Variants in MTMR3 observed in about 807,000 individuals in gnomAD.
MTMR3 encodes myotubularin related protein 3, also known as phosphatidylinositol-3,5-bisphosphate 3-phosphatase MTMR3.
A neutral mutation model predicts 132.4 loss-of-function variants in MTMR3; 32 were observed. That is an observed-to-expected ratio of 0.24 (90% CI 0.18 to 0.32). The LOEUF (loss-of-function observed/expected upper bound fraction) is 0.32. Among genes scored for constraint, MTMR3 ranks in the 10% least tolerant of loss-of-function variants. MTMR3 has a pLI of 1.00. For missense variants in MTMR3, 1,216 were observed against 1,489.6 expected (o/e 0.82, Z 3.02); for synonymous variants, 556 against 550.3 (o/e 1.01, Z -0.14).
intron 1 of MTMR3, among the ~76,000 whole-genome samples, chr22:29,909,749 T>A (rs2065171297): frequency 6.6e-6 from 1 of 152,216 alleles, no homozygotes; most frequent in South Asian, 2.1e-4. Flanking sequence ...TATTAAGGAA[T>A]AATAAATATC....
In MTMR3 at chr22:29,988,644, TA is replaced by T. The variant is rs1176168161; in HGVS notation, c.293+86del. The T allele has an allele frequency of 1.3e-4, 134 of 1,005,846 alleles. 1 individual carries two copies. Among genetic ancestry groups the T allele is most frequent in the Non-Finnish European group, 1.7e-4 (117 of 690,288 alleles). 62.3% of individuals were successfully genotyped at this position (1,005,846 alleles called of 1,614,324 possible). A position where few individuals can be genotyped will look rare whatever the true frequency, so the allele number is the denominator to read the frequency against. ...ATGGGTCCATTATTTGGTAACTTAG[TA>T]AAATACCTTTTGATGATTAGCCTCA... On this transcript the variant is annotated intron_variant, in intron 6 of 19. Transcript: ENST00000401950.
At chr22:30,000,818 G>A (rs144086504) in intron 8 of MTMR3, 1 of 152,320 alleles carries the variant, frequency 6.6e-6, no homozygotes, top group East Asian at 1.9e-4. Context: ...TTTCCTGAGT[G>A]TAACCTATAC....
chr22:29,904,354 C>T (rs2065055515), intron 1 of MTMR3, among the ~76,000 whole-genome samples: 1 of 152,228 alleles, frequency 6.6e-6, no homozygotes, highest in Admixed American at 6.5e-5. Flanking sequence ...GGTTGCACTG[C>T]TAGTGAGTAG....
At chr22:29,959,839 G>A (rs1426373251) in intron 2 of MTMR3, among the ~76,000 whole-genome samples, 1 of 150,652 alleles carries the variant, frequency 6.6e-6, no homozygotes, top group Non-Finnish European at 1.5e-5. Context: ...GGTCACTGCA[G>A]CCTCGATCTC....
At chr22:30,008,080 A>C (rs759974352) in intron 11 of MTMR3, 48 bp downstream of exon 11, 2 of 1,591,180 alleles carry the variant, frequency 1.3e-6, no homozygotes, top group Admixed American at 3.4e-5. Flanking sequence ...TTGTGAGTGT[A>C]GCCCTTGCCC....
At chr22:29,967,796 A>G (rs571081363) in intron 2 of MTMR3, among the ~76,000 whole-genome samples, 2 of 152,218 alleles carry the variant, frequency 1.3e-5, no homozygotes, top group South Asian at 4.1e-4. Flanking sequence ...TACAAATGGA[A>G]TCACACAATA....
At chr22:29,911,202 T>G (rs776615913) in intron 1 of MTMR3, among the ~76,000 whole-genome samples, 11 of 152,084 alleles carry the variant, frequency 7.2e-5, no homozygotes, top group Non-Finnish European at 1.5e-4. Flanking sequence ...TCCTGAAGTT[T>G]TTTTCCTTGT....
At chr22:29,962,122 T>C (rs2066323979) in intron 2 of MTMR3, among the ~76,000 whole-genome samples, 1 of 152,258 alleles carries the variant, frequency 6.6e-6, no homozygotes, top group Non-Finnish European at 1.5e-5. Context: ...CATAGAGAAC[T>C]GTCTGGATAG....
At chr22:29,924,687 A>G (rs532819566) in intron 1 of MTMR3, among the ~76,000 whole-genome samples, 9 of 152,324 alleles carry the variant, frequency 5.9e-5, no homozygotes, top group African/African-American at 2.2e-4. Context: ...CTTCCAATCC[A>G]TGAACACATG....
At position 30,020,451 on chromosome 22, in the gene MTMR3, C is replaced by T; in HGVS notation, c.2792C>T (p.Ala931Val). Residue 931 changes from alanine (A) to valine (V), a missense_variant, in exon 17 of 20, where the codon GCC (alanine) becomes GTC (valine). Physicochemically the swap from Ala to Val is moderately conservative, Grantham distance 64 (BLOSUM62 0). This residue lies in a region of MTMR3 where 852 missense variants were observed against 852.0 expected (regional missense o/e 1.00). Coordinates refer to ENST00000401950, the MANE Select transcript of MTMR3 (RefSeq NM_021090.4). ...AAAGAGGGGCTTGTGTGCAATGGTG[C>T]CCCAGAGACTGAAAACAGGGCCTCA... is the stretch of plus-strand genomic sequence containing the variant. ...ECKEGLVCNGAPETENRASEQ... is the reference protein window; with the variant it reads ...ECKEGLVCNGVPETENRASEQ... 2 of 1,614,156 alleles carry T rather than the reference C, an allele frequency of 1.2e-6. No individual in the cohort carries two copies. Among genetic ancestry groups the T allele is most frequent in the South Asian group, 2.2e-5 (2 of 91,086 alleles).
chr22:29,949,134 C>G (rs1198540742), intron 1 of MTMR3, among the ~76,000 whole-genome samples: 2 of 42,546 alleles, frequency 4.7e-5, no homozygotes, highest in African/African-American at 2.5e-4. Flanking sequence ...CACACACACA[C>G]ACACACACAC....
intron 2 of MTMR3, among the ~76,000 whole-genome samples, chr22:29,968,134 A>C (rs1053228750): frequency 3.3e-4 from 50 of 152,126 alleles, no homozygotes; most frequent in African/African-American, 1.2e-3. Flanking sequence ...GGGACATATG[A>C]TGACTCTAAA....
At chr22:29,935,363 C>T (rs565283325) in intron 1 of MTMR3, among the ~76,000 whole-genome samples, 7 of 152,270 alleles carry the variant, frequency 4.6e-5, no homozygotes, top group South Asian at 2.1e-4. Flanking sequence ...CTCAAGATTA[C>T]AGAACTACTA....
At chr22:29,927,696 G>T (rs2065544590) in intron 1 of MTMR3, among the ~76,000 whole-genome samples, 1 of 152,088 alleles carries the variant, frequency 6.6e-6, no homozygotes, top group African/African-American at 2.4e-5. Flanking sequence ...CATGCATTGG[G>T]CACAGCAACA....
At chr22:29,884,133 TC>T (rs1306819021) in intron 1 of MTMR3, among the ~76,000 whole-genome samples, 1 of 152,188 alleles carries the variant, frequency 6.6e-6, no homozygotes, top group Admixed American at 6.5e-5. Context: ...TTTGATAATC[TC>T]ACTTGTGAGT....
intron 1 of MTMR3, among the ~76,000 whole-genome samples, chr22:29,950,807 T>G (rs1217941716): frequency 1.3e-5 from 2 of 152,212 alleles, no homozygotes; most frequent in African/African-American, 2.4e-5. Context: ...ACAGATTACT[T>G]ACAGAACTTC....
At chr22:29,947,937 G>T (rs1029411347) in intron 1 of MTMR3, among the ~76,000 whole-genome samples, 1 of 152,114 alleles carries the variant, frequency 6.6e-6, no homozygotes, top group South Asian at 2.1e-4. Context: ...GCTTTGAAAG[G>T]GTAGGTATTT....
chr22:29,975,626 G>C (rs544185212), intron 3 of MTMR3, among the ~76,000 whole-genome samples: 48 of 152,284 alleles, frequency 3.2e-4, no homozygotes, highest in Middle Eastern at 3.4e-3. Context: ...TTTGACACAA[G>C]GTCTTGCTCT....
At chr22:29,927,939 G>GTTTTTTTTTTT (rs764629136) in intron 1 of MTMR3, among the ~76,000 whole-genome samples, 2 of 107,374 alleles carry the variant, frequency 1.9e-5, no homozygotes, top group African/African-American at 3.5e-5. Context: ...TCTAGCCTTT[G>GTTTTTTTTTTT]TTTTTTTTTT....
Sources: gnomAD v4.1 joint callset for allele counts (sites outside exome capture counted in the v4.1 genomes callset) on GRCh38, gnomAD v4.1.1 for gene constraint, gnomAD v4.1.1 regional missense constraint, MANE v1.5 for transcripts, NCBI Gene and HGNC (gene_info 2026-07-23, HGNC 2026-07-21) for gene names.